DNAH8: variants seen among roughly 807,000 people sequenced by gnomAD.
DNAH8 encodes dynein axonemal heavy chain 8, also known as axonemal beta dynein heavy chain 8.
Under a neutral mutation model 562.1 loss-of-function variants are expected in DNAH8, and 382 were observed. The observed-to-expected ratio is 0.68, with a 90% confidence interval of 0.63 to 0.74. The LOEUF (loss-of-function observed/expected upper bound fraction) is 0.74. Ranked by LOEUF, DNAH8 falls within the 30% of genes least tolerant of loss-of-function variation. The pLI, the probability that DNAH8 is intolerant of heterozygous loss-of-function variation, is 0.00. For synonymous variants in DNAH8, 1,881 were observed against 1,919.4 expected, an observed-to-expected ratio of 0.98 and a Z score of 0.52; for missense variants, 5,203 against 5,620.4, an observed-to-expected ratio of 0.93 and a Z score of 2.37.
At chr6:38,925,357 A>G (rs906418187) in intron 73 of DNAH8, among the ~76,000 whole-genome samples, 5 of 145,028 alleles carry the variant, frequency 3.4e-5, no homozygotes, top group African/African-American at 1.0e-4. Context: ...TTTTTTAGAG[A>G]CAAAGTCTTG....
chr6:38,855,937 G>A (rs374222589), intron 41 of DNAH8, among the ~76,000 whole-genome samples: 9 of 152,242 alleles, frequency 5.9e-5, no homozygotes, highest in South Asian at 2.1e-4. Context: ...AAGGTTGTGC[G>A]CTGCTTATGT....
At chr6:38,912,586 G>A (rs1160504680) in intron 66 of DNAH8, among the ~76,000 whole-genome samples, 1 of 152,166 alleles carries the variant, frequency 6.6e-6, no homozygotes, top group South Asian at 2.1e-4. Context: ...TCATGATTCA[G>A]CTTCTTGCAG....
At chr6:38,810,805 A>T (rs1406924316) in intron 24 of DNAH8, among the ~76,000 whole-genome samples, 3 of 152,114 alleles carry the variant, frequency 2.0e-5, no homozygotes, top group Admixed American at 6.5e-5. Context: ...CCAGGTTCTC[A>T]TGTAGTTTTT....
At chr6:38,755,156 T>A (rs966165078) in intron 9 of DNAH8, among the ~76,000 whole-genome samples, 5 of 152,156 alleles carry the variant, frequency 3.3e-5, no homozygotes, top group African/African-American at 1.2e-4. Context: ...ATTCCTCATC[T>A]TGGGTGTCTT....
Position 38,895,084 on chromosome 6 carries a change from A to G in DNAH8, c.8747+220A>G, listed in dbSNP as rs145762113. On this transcript the variant is annotated intron_variant, in intron 59 of 92. Transcript: ENST00000327475. ...GCTGGGATCACAGGCATGCACCACC[A>G]TGGCCGGCTATTTTGTTGTTGTTGT... Among the ~76,000 whole-genome samples the G allele has an allele frequency of 1.3e-3, 202 of 152,020 alleles. 1 individual carries two copies. The highest frequency in any genetic ancestry group is 4.5e-3 in the African/African-American group (188 of 41,486).
At chr6:38,860,668 A>G in intron 43 of DNAH8, 39 bp downstream of exon 43, 7 of 1,392,482 alleles carry the variant, frequency 5.0e-6, no homozygotes, top group Non-Finnish European at 6.8e-6. Flanking sequence ...TTGTAATTTT[A>G]AAATGTGCAT....
intron 13 of DNAH8, 145 bp from the exon 14 acceptor site, chr6:38,778,243 G>T: frequency 1.9e-6 from 1 of 513,490 alleles, no homozygotes; most frequent in South Asian, 3.2e-5. Flanking sequence ...CATCATACTG[G>T]ACGATGCAGT....
chr6:38,932,082 A>C (rs1782589124), intron 76 of DNAH8, 89 bp downstream of exon 76: 1 of 1,031,678 alleles, frequency 9.7e-7, no homozygotes, highest in Non-Finnish European at 1.4e-6. Flanking sequence ...AAAAGAAAAA[A>C]AAATTTAAAA....
At chr6:38,831,445 A>AG (rs1773828244) in intron 30 of DNAH8, among the ~76,000 whole-genome samples, 1 of 151,576 alleles carries the variant, frequency 6.6e-6, no homozygotes, top group Non-Finnish European at 1.5e-5. Context: ...AAAAAAAAAA[A>AG]AAAAAGAAAA....
At chr6:38,771,981 A>ACAG (rs1220959183) in intron 12 of DNAH8, among the ~76,000 whole-genome samples, 1 of 151,036 alleles carries the variant, frequency 6.6e-6, no homozygotes, top group African/African-American at 2.4e-5. Flanking sequence ...TTGCCAAAGT[A>ACAG]GCTGCATCAT....
chr6:38,893,143 AGAACCAAG>A (rs1312700566), intron 58 of DNAH8, among the ~76,000 whole-genome samples: 2 of 152,214 alleles, frequency 1.3e-5, no homozygotes, highest in Non-Finnish European at 2.9e-5. Flanking sequence ...TGTCTTCTTA[AGAACCAAG>A]GAGGTGCTCA....
chr6:38,879,248 G>A (rs905707946), intron 53 of DNAH8, among the ~76,000 whole-genome samples: 3 of 151,922 alleles, frequency 2.0e-5, no homozygotes, highest in Non-Finnish European at 2.9e-5. Context: ...CATTTCATAA[G>A]GACAGTGTTA....
At chr6:39,003,375 G>A (rs1228846181) in intron 88 of DNAH8, among the ~76,000 whole-genome samples, 1 of 152,140 alleles carries the variant, frequency 6.6e-6, no homozygotes, top group African/African-American at 2.4e-5. Context: ...ACTGTGATGG[G>A]CTTTGCCTTA....
chr6:38,982,477 G>T lies in DNAH8; in HGVS notation c.12951+15G>T, dbSNP rs367661246. 705 of 1,258,228 alleles carry T rather than the reference G, an allele frequency of 5.6e-4. 1 individual carries two copies. Among genetic ancestry groups the T allele is most frequent in the Non-Finnish European group, 7.0e-4 (599 of 857,544 alleles). The allele number at this position is 1,258,228 out of a possible 1,614,324, so 77.9% of individuals were successfully genotyped here. ...ATATTAAGAAAGTGAGTGAAATTAT[G>T]CCTTTTTTCCTGTTTTTATTGCTCT... On this transcript the variant is annotated intron_variant, in intron 86 of 92. Coordinates refer to ENST00000327475, the MANE Select transcript of DNAH8 (RefSeq NM_001206927.2).
Position 39,008,865 on chromosome 6 carries a change from A to G in DNAH8, c.13266A>G (p.Gln4422=). ...TTCTTGAAACAATTACCAACATTCA[A>G]CCCAAAGAGAGTGGAGGTGGTGTGG... ...SAVLETITNI[Q]PKESGGGVGE... The change falls in exon 89 of 93, where the codon CAA becomes CAG. Residue 4422 remains glutamine, a synonymous_variant. Transcript: ENST00000327475. The G allele has an allele frequency of 6.2e-7, 1 of 1,606,796 alleles. No individual in the cohort carries two copies.
intron 78 of DNAH8, among the ~76,000 whole-genome samples, chr6:38,938,579 G>A (rs1783170124): frequency 6.6e-6 from 1 of 152,140 alleles, no homozygotes; most frequent in South Asian, 2.1e-4. Context: ...AACAGACACT[G>A]TGACCTGTCA....
At chr6:38,980,769 T>C (rs1300317466) in intron 85 of DNAH8, among the ~76,000 whole-genome samples, 1 of 152,094 alleles carries the variant, frequency 6.6e-6, no homozygotes, top group Non-Finnish European at 1.5e-5. Flanking sequence ...ATTATTATTA[T>C]TGTTGCTCTT....
chr6:38,898,252 C>G lies in DNAH8; in HGVS notation c.8941-6C>G, dbSNP rs769128178. 6.3e-7 allele frequency: 1 copy of G among 1,582,576 alleles called. No individual in the cohort carries two copies. Among genetic ancestry groups the G allele is most frequent in the Non-Finnish European group, 8.6e-7 (1 of 1,169,522 alleles). ...ATTATTTTTTTATCTTTCTCTCCAC[C>G]CATAGATGCCATCCTTTGACTTTCT... On this transcript the variant is annotated splice_region_variant and splice_polypyrimidine_tract_variant and intron_variant, in intron 60 of 92. Coordinates refer to ENST00000327475, the MANE Select transcript of DNAH8 (RefSeq NM_001206927.2).
At chr6:38,715,951 TATATATA>T (rs1263863190) in intron 1 of DNAH8, among the ~76,000 whole-genome samples, 8 of 28,088 alleles carry the variant, frequency 2.8e-4, no homozygotes, top group South Asian at 1.4e-3. Context: ...TATATATATA[TATATATA>T]TATTTTTTTT....
Sources: gnomAD v4.1 joint callset for allele counts (sites outside exome capture counted in the v4.1 genomes callset) on GRCh38, gnomAD v4.1.1 for gene constraint, MANE v1.5 for transcripts, NCBI Gene and HGNC (gene_info 2026-07-23, HGNC 2026-07-21) for gene names.